Variants in STXBP6 observed in about 807,000 individuals in gnomAD.
The protein encoded by STXBP6 is syntaxin binding protein 6.
A neutral mutation model predicts 26.9 loss-of-function variants in STXBP6; 21 were observed. The ratio of observed to expected loss-of-function variants is 0.78; its 90% CI spans 0.55 to 1.12. STXBP6 has a LOEUF of 1.12. Among genes scored for constraint, STXBP6 ranks in the 50% most tolerant of loss-of-function variants. The pLI is 0.00. For missense variants in STXBP6, 232 were observed against 257.9 expected (o/e 0.90, Z 0.69); for synonymous variants, 97 against 92.6 (o/e 1.05, Z -0.27).
At chr14:24,985,715 A>G (rs1278988688) in intron 1 of STXBP6, among the ~76,000 whole-genome samples, 1 of 152,226 alleles carries the variant, frequency 6.6e-6, no homozygotes, top group African/African-American at 2.4e-5. Context: ...ATATTCACAA[A>G]TAAGCTAACC....
intron 1 of STXBP6, among the ~76,000 whole-genome samples, chr14:24,984,813 T>G (rs570257664): frequency 6.6e-6 from 1 of 152,330 alleles, no homozygotes; most frequent in Admixed American, 6.5e-5. Context: ...ATGAGGAAAC[T>G]AAAGCTAATT....
At chr14:24,836,056 CT>C (rs2138966175) in intron 4 of STXBP6, among the ~76,000 whole-genome samples, 1 of 152,372 alleles carries the variant, frequency 6.6e-6, no homozygotes, top group African/African-American at 2.4e-5. Flanking sequence ...ACTCTTTTCA[CT>C]GCTGCTCAAG....
intron 2 of STXBP6, among the ~76,000 whole-genome samples, chr14:24,894,905 A>G (rs1413281079): frequency 1.6e-5 from 2 of 125,212 alleles, no homozygotes; most frequent in Non-Finnish European, 3.5e-5. Flanking sequence ...TTTTTTTTTT[A>G]ATGCTCAGGA....
At chr14:24,856,453 T>G (rs958606900) in intron 3 of STXBP6, among the ~76,000 whole-genome samples, 23 of 152,274 alleles carry the variant, frequency 1.5e-4, no homozygotes, top group Middle Eastern at 3.4e-3. Flanking sequence ...CCCTAAACTT[T>G]GGTAGGAAGA....
At chr14:24,840,761 T>C (rs957247775) in intron 4 of STXBP6, among the ~76,000 whole-genome samples, 7 of 152,190 alleles carry the variant, frequency 4.6e-5, no homozygotes, top group Admixed American at 1.3e-4. Context: ...TGAGCTGATT[T>C]TGGATAATTT....
chr14:24,989,766 T>TA (rs1408295354), intron 1 of STXBP6, among the ~76,000 whole-genome samples: 2 of 152,234 alleles, frequency 1.3e-5, no homozygotes, highest in African/African-American at 4.8e-5. Flanking sequence ...GGCTCTGTTC[T>TA]ACTAGACAGA....
At chr14:24,968,521 T>G (rs192720939) in intron 2 of STXBP6, among the ~76,000 whole-genome samples, 15 of 152,306 alleles carry the variant, frequency 9.8e-5, no homozygotes, top group Admixed American at 9.8e-4. Context: ...CAATTAAATT[T>G]GGTTACCCTA....
chr14:25,036,214 CAAAAAAAAAAAAAA>C (rs559433301), intron 1 of STXBP6, among the ~76,000 whole-genome samples: 8 of 80,714 alleles, frequency 9.9e-5, no homozygotes, highest in Non-Finnish European at 1.9e-4. Flanking sequence ...AAGACTCCAT[CAAAAAAAAAAAAAA>C]AAAAAAAAAA....
chr14:24,840,849 T>A (rs978108853), intron 4 of STXBP6, among the ~76,000 whole-genome samples: 10 of 152,212 alleles, frequency 6.6e-5, no homozygotes, highest in Non-Finnish European at 1.2e-4. Context: ...GCTTTTTTTT[T>A]TTTCCTGTCA....
intron 2 of STXBP6, among the ~76,000 whole-genome samples, chr14:24,936,024 A>G (rs2072583712): frequency 6.6e-6 from 1 of 152,236 alleles, no homozygotes; most frequent in Non-Finnish European, 1.5e-5. Flanking sequence ...TCCTTGACTT[A>G]ACAGTATAAC....
intron 2 of STXBP6, among the ~76,000 whole-genome samples, chr14:24,907,825 C>T (rs1186050595): frequency 2.0e-5 from 3 of 151,786 alleles, no homozygotes; most frequent in Non-Finnish European, 4.4e-5. Context: ...TTTTCCATTT[C>T]CTCTGCAAGG....
intron 2 of STXBP6, among the ~76,000 whole-genome samples, chr14:24,910,338 C>T (rs1447004055): frequency 6.6e-6 from 1 of 152,232 alleles, no homozygotes; most frequent in Non-Finnish European, 1.5e-5. Context: ...TTTGTCTCCT[C>T]ACAATTGGAT....
chr14:24,927,988 G>T (rs1393629567), intron 2 of STXBP6, among the ~76,000 whole-genome samples: 1 of 152,138 alleles, frequency 6.6e-6, no homozygotes, highest in Non-Finnish European at 1.5e-5. Flanking sequence ...TCTGCACACA[G>T]AGACAACTGA....
chr14:25,040,214 T>G (rs889508920), intron 1 of STXBP6, among the ~76,000 whole-genome samples: 1 of 152,222 alleles, frequency 6.6e-6, no homozygotes, highest in African/African-American at 2.4e-5. Flanking sequence ...AGCCATGTTT[T>G]ACACCTGTAA....
intron 1 of STXBP6, among the ~76,000 whole-genome samples, chr14:25,040,168 G>A (rs2075620673): frequency 6.6e-6 from 1 of 152,168 alleles, no homozygotes; most frequent in Non-Finnish European, 1.5e-5. Flanking sequence ...GCTCCTGTGT[G>A]AATGGCCTCA....
intron 1 of STXBP6, among the ~76,000 whole-genome samples, chr14:24,983,221 G>A (rs2074244671): frequency 2.0e-5 from 3 of 152,300 alleles, no homozygotes; most frequent in Middle Eastern, 3.4e-3. Flanking sequence ...GAGGAAGGTA[G>A]TAACAGAAAA....
intron 1 of STXBP6, among the ~76,000 whole-genome samples, chr14:25,006,791 T>C (rs74037436): frequency 0.018 from 2,740 of 152,172 alleles, 77 homozygotes; most frequent in African/African-American, 0.06. Flanking sequence ...AATCACATCT[T>C]AGATTCAGCA....
chr14:24,829,806 G>A (rs1566387929), intron 4 of STXBP6, among the ~76,000 whole-genome samples: 1 of 152,100 alleles, frequency 6.6e-6, no homozygotes, highest in Non-Finnish European at 1.5e-5. Flanking sequence ...CCGGCAAGGG[G>A]CCTACGGTCT....
chr14:24,835,761 C>T (rs1035722007), intron 4 of STXBP6, among the ~76,000 whole-genome samples: 17 of 152,178 alleles, frequency 1.1e-4, no homozygotes, highest in Middle Eastern at 6.8e-3. Flanking sequence ...TATAAATATC[C>T]TATTTTCTGC....
Sources: gnomAD v4.1 joint callset for allele counts (sites outside exome capture counted in the v4.1 genomes callset) on GRCh38, gnomAD v4.1.1 for gene constraint, MANE v1.5 for transcripts, NCBI Gene and HGNC (gene_info 2026-07-23, HGNC 2026-07-21) for gene names.